The following SLC22A15 variants were observed in gnomAD, a reference collection of about 807,000 sequenced individuals.
SLC22A15 encodes the protein flipt 1.
A neutral mutation model predicts 62.7 loss-of-function variants in SLC22A15; 45 were observed. That is an observed-to-expected ratio of 0.72 (90% CI 0.56 to 0.92). The LOEUF (loss-of-function observed/expected upper bound fraction) is 0.92, where lower values mean the gene tolerates loss of function less well. SLC22A15 is among the 40% of genes least tolerant of loss of function. The probability of loss-of-function intolerance (pLI) is 0.00; values close to 1 mark genes in which losing one functional copy is unlikely to be tolerated. For synonymous variants in SLC22A15, 264 were observed against 267.0 expected (o/e 0.99, Z 0.11); for missense variants, 622 against 665.6 (o/e 0.93, Z 0.72).
At chr1:116,028,359 A>G (rs943817477) in intron 5 of SLC22A15, among the ~76,000 whole-genome samples, 4 of 152,050 alleles carry the variant, frequency 2.6e-5, no homozygotes, top group African/African-American at 9.7e-5. Context: ...GGTGCCTACT[A>G]TAGTACTTAG....
chr1:116,030,725 C>A (rs903753031), intron 5 of SLC22A15, among the ~76,000 whole-genome samples: 1 of 152,038 alleles, frequency 6.6e-6, no homozygotes. Context: ...AGGAAATATC[C>A]TCAGGACATA....
chr1:116,045,101 T>C (rs1265238146), intron 8 of SLC22A15, among the ~76,000 whole-genome samples: 1 of 152,136 alleles, frequency 6.6e-6, no homozygotes, highest in African/African-American at 2.4e-5. Context: ...TGGAGTGCAG[T>C]GGCGTGATCT....
chr1:116,020,259 A>C lies in SLC22A15; in HGVS notation c.434-462A>C, dbSNP rs949657403. 5.1e-4 allele frequency among the ~76,000 whole-genome samples: 78 copies of C among 151,536 alleles called. 1 individual carries two copies. The highest frequency in any genetic ancestry group is 1.6e-4 in the Non-Finnish European group (11 of 67,894). On this transcript the variant is annotated intron_variant, in intron 3 of 11. Coordinates refer to ENST00000369503, the MANE Select transcript of SLC22A15 (RefSeq NM_018420.3). ...AAGAGAAGCTGTTAAAAAAAAAAAA[A>C]AACACACAGCTGGCTGGGCGCGGTG... is the stretch of plus-strand genomic sequence containing the variant.
chr1:116,013,668 T>C (rs1014057514), intron 2 of SLC22A15: 2 of 152,216 alleles, frequency 1.3e-5, no homozygotes, highest in Admixed American at 6.5e-5. Context: ...TCAGATTATA[T>C]TTGTATTTCA....
At chr1:116,009,666 CA>C (rs1337332493) in intron 2 of SLC22A15, among the ~76,000 whole-genome samples, 8 of 152,302 alleles carry the variant, frequency 5.3e-5, no homozygotes, top group African/African-American at 1.7e-4. Context: ...AAGTCAATTT[CA>C]ATGACTTCAC....
chr1:116,038,637 C>T (rs1657695337), intron 8 of SLC22A15, among the ~76,000 whole-genome samples: 1 of 152,194 alleles, frequency 6.6e-6, no homozygotes, highest in South Asian at 2.1e-4. Context: ...GGAGGAACTC[C>T]CCAGCTATTG....
chr1:116,037,351 G>C lies in SLC22A15; in HGVS notation c.1134G>C (p.Leu378=). The change falls in exon 8 of 12, where the codon CTG becomes CTC. Residue 378 remains leucine (L), a synonymous_variant. Transcript: ENST00000369503. ...TLSAFLCLGG[L]ACLIVMFLPE... is the part of the protein sequence containing the mutation. ...CAGCATTTCTGTGCCTAGGAGGACT[G>C]GCTTGTCTTATTGTAATGTTTCTTC... 3 of 1,613,368 alleles carry C rather than the reference G, an allele frequency of 1.9e-6. No individual in the cohort carries two copies. Among genetic ancestry groups the C allele is most frequent in the Non-Finnish European group, 2.5e-6 (3 of 1,179,474 alleles).
At chr1:115,982,231 A>G (rs554968432) in intron 1 of SLC22A15, among the ~76,000 whole-genome samples, 3 of 152,324 alleles carry the variant, frequency 2.0e-5, no homozygotes, top group East Asian at 1.9e-4. Context: ...ATGCAAATTG[A>G]TATCTGCCTT....
At chr1:115,994,513 G>A (rs1220148311) in intron 2 of SLC22A15, among the ~76,000 whole-genome samples, 1 of 152,142 alleles carries the variant, frequency 6.6e-6, no homozygotes, top group African/African-American at 2.4e-5. Context: ...TCTTTTTGGT[G>A]AGTAATTATA....
chr1:115,992,148 G>A lies in SLC22A15; in HGVS notation c.205G>A (p.Asp69Asn). ...QSHGNQSAGE[D>N]QAFGDWLLTA... ...CCACGGTAACCAGTCAGCTGGTGAA[G>A]ACCAGGCCTTTGGGGACTGGCTCCT... The change falls in exon 2 of 12, where the codon GAC becomes AAC. Residue 69 changes from aspartate (D) to asparagine (N), a missense_variant. Asp to Asn is a conservative substitution (Grantham distance 23). Transcript: ENST00000369503. 1 of 1,613,510 alleles carries A rather than the reference G, an allele frequency of 6.2e-7. No homozygotes were observed. The highest frequency in any genetic ancestry group is 8.5e-7 in the Non-Finnish European group (1 of 1,179,694).
At chr1:116,031,324 GTACC>G in intron 5 of SLC22A15, 38 bp from the exon 6 acceptor site, 1 of 1,449,256 alleles carries the variant, frequency 6.9e-7, no homozygotes, top group Non-Finnish European at 9.6e-7. Context: ...CTGTGCACGT[GTACC>G]TATATGAATA....
intron 8 of SLC22A15, among the ~76,000 whole-genome samples, chr1:116,048,631 T>G (rs576325386): frequency 9.2e-5 from 14 of 152,092 alleles, no homozygotes; most frequent in Non-Finnish European, 2.1e-4. Flanking sequence ...CAGAAACTCT[T>G]TAAAGCATAA....
Position 116,067,950 on chromosome 1 carries a change from T to G in SLC22A15, c.*842T>G. 1 of 151,982 alleles carries G rather than the reference T, an allele frequency of 6.6e-6. No homozygotes were observed. The allele number at this position is 151,982 out of a possible 1,614,324, so 9.4% of individuals were successfully genotyped here. ...GAGAAAGCTTTAAGTAGAGGGCAGT[T>G]AAACAGTGACATGTTGAGCACCTGG... is the stretch of plus-strand genomic sequence containing the variant. On this transcript the variant is annotated 3_prime_UTR_variant, in exon 12 of 12. Coordinates refer to ENST00000369503, the MANE Select transcript of SLC22A15 (RefSeq NM_018420.3).
Position 115,976,846 on chromosome 1 carries a change from T to C in SLC22A15, c.87+132T>C, listed in dbSNP as rs1654321202. ...TGCAAACACCGAGGTGTGGCGAGCGTCGGGGTGGGGCAGGGGCGAGGCGCC... is the reference window on the plus strand; with the variant it reads ...TGCAAACACCGAGGTGTGGCGAGCGCCGGGGTGGGGCAGGGGCGAGGCGCC... On this transcript the variant is annotated intron_variant, in intron 1 of 11. Coordinates refer to ENST00000369503, the MANE Select transcript of SLC22A15 (RefSeq NM_018420.3). 14 of 674,990 alleles carry C rather than the reference T, an allele frequency of 2.1e-5. No homozygotes were observed. The East Asian group carries it at 5.1e-4, about 24-fold the overall frequency. 41.8% of individuals were successfully genotyped at this position (674,990 alleles called of 1,614,324 possible).
At chr1:116,033,555 C>T (rs190042236) in intron 6 of SLC22A15, among the ~76,000 whole-genome samples, 67 of 95,308 alleles carry the variant, frequency 7.0e-4, no homozygotes, top group African/African-American at 2.1e-3. Context: ...ATAGGGGTGT[C>T]TCTGTGTGTG....
intron 1 of SLC22A15, among the ~76,000 whole-genome samples, chr1:115,984,660 C>T (rs749357957): frequency 3.9e-5 from 6 of 152,114 alleles, no homozygotes; most frequent in African/African-American, 9.6e-5. Context: ...GCAGATTCTT[C>T]GGGAGACAGT....
chr1:115,999,515 T>C (rs978160143), intron 2 of SLC22A15, among the ~76,000 whole-genome samples: 4 of 151,246 alleles, frequency 2.6e-5, no homozygotes, highest in Non-Finnish European at 5.9e-5. Flanking sequence ...TTTTTTTTTT[T>C]TTTCTGGAGA....
At chr1:116,033,447 G>A (rs185283163) in intron 6 of SLC22A15, among the ~76,000 whole-genome samples, 1 of 152,082 alleles carries the variant, frequency 6.6e-6, no homozygotes, top group East Asian at 1.9e-4. Flanking sequence ...TGCTCTCCCC[G>A]TTCTCTCTCA....
At chr1:116,058,052 TATAATA>T (rs71096859) in intron 8 of SLC22A15, among the ~76,000 whole-genome samples, 1 of 147,126 alleles carries the variant, frequency 6.8e-6, no homozygotes, top group Admixed American at 6.8e-5. Flanking sequence ...AAACTTAAAG[TATAATA>T]ATAATAATAA....
Sources: allele counts gnomAD v4.1 joint callset (sites outside exome capture counted in the v4.1 genomes callset), GRCh38; gene constraint gnomAD v4.1.1; transcripts MANE v1.5; gene names NCBI Gene and HGNC (gene_info 2026-07-23, HGNC 2026-07-21).